Variants in PCDHGB1 observed in about 807,000 individuals in gnomAD.
PCDHGB1 encodes protocadherin gamma-B1.
A neutral mutation model predicts 56.6 loss-of-function variants in PCDHGB1; 34 were observed. The ratio of observed to expected loss-of-function variants is 0.60; its 90% CI spans 0.46 to 0.80. The LOEUF (loss-of-function observed/expected upper bound fraction) is 0.80. Among genes scored for constraint, PCDHGB1 ranks in the 30% least tolerant of loss-of-function variants. The probability of loss-of-function intolerance (pLI) is 0.00; values close to 1 mark genes in which losing one functional copy is unlikely to be tolerated. For synonymous variants in PCDHGB1, 561 were observed against 505.9 expected (o/e 1.11, Z -1.46); for missense variants, 1,278 against 1,204.6 (o/e 1.06, Z -0.90).
chr5:141,478,101 T>G, intron 1 of PCDHGB1: 1 of 1,614,018 alleles, frequency 6.2e-7, no homozygotes, highest in Middle Eastern at 1.6e-4. Flanking sequence ...ACTGCTACCC[T>G]CACTGTGTCA....
intron 1 of PCDHGB1, among the ~76,000 whole-genome samples, chr5:141,468,000 C>G (rs1429450909): frequency 6.6e-6 from 1 of 152,028 alleles, no homozygotes; most frequent in East Asian, 1.9e-4. Flanking sequence ...ATTCTTTCTT[C>G]CTCTGTTATA....
At chr5:141,412,713 TG>T (rs1172943618) in intron 1 of PCDHGB1, 2 of 152,812 alleles carry the variant, frequency 1.3e-5, no homozygotes, top group Non-Finnish European at 2.9e-5. Context: ...TGTACATTTC[TG>T]TTGGGAAAAC....
At chr5:141,401,657 G>T (rs1398256315) in intron 1 of PCDHGB1, among the ~76,000 whole-genome samples, 3 of 152,204 alleles carry the variant, frequency 2.0e-5, no homozygotes, top group Non-Finnish European at 4.4e-5. Context: ...ATGACTGGAT[G>T]TTTTCTCAAC....
Position 141,490,575 on chromosome 5 carries a change from A to G in PCDHGB1, c.2410-4232A>G. 2 of 1,614,140 alleles carry G rather than the reference A, an allele frequency of 1.2e-6. No individual in the cohort carries two copies. The highest frequency in any genetic ancestry group is 2.2e-5 in the East Asian group (1 of 44,876). Reference sequence around the variant, plus strand: ...ATCTCACCATCAGGCTCAACATTTCAGATGTCAATGACAATGCACCCCGCT... The same window carrying G: ...ATCTCACCATCAGGCTCAACATTTCGGATGTCAATGACAATGCACCCCGCT... On this transcript the variant is annotated intron_variant, in intron 1 of 3. Transcript: ENST00000523390. This position sits in a 1 kb window ranked among gnomAD's most constrained non-coding sequence, Gnocchi z 5.4.
intron 3 of PCDHGB1, among the ~76,000 whole-genome samples, chr5:141,509,440 C>T (rs1036780108): frequency 2.0e-5 from 3 of 152,158 alleles, no homozygotes; most frequent in Non-Finnish European, 4.4e-5. Flanking sequence ...CTTGTTTCCT[C>T]CTCTCCCACC....
At chr5:141,433,364 T>C (rs1246641841) in intron 1 of PCDHGB1, 1 of 524,614 alleles carries the variant, frequency 1.9e-6, no homozygotes, top group Admixed American at 3.5e-5. Context: ...TCTGCCTATC[T>C]ATCTATCTAT....
intron 1 of PCDHGB1, chr5:141,387,764 A>T: frequency 7.0e-7 from 1 of 1,430,464 alleles, no homozygotes; most frequent in Non-Finnish European, 9.3e-7. Context: ...AAAAAGAAGA[A>T]TTTTTTCTTG....
chr5:141,374,202 A>T (rs1446012115), intron 1 of PCDHGB1: 5 of 1,613,868 alleles, frequency 3.1e-6, no homozygotes, highest in Non-Finnish European at 4.2e-6. Context: ...GAGGAGCTGG[A>T]GAAAGGCTCC....
At chr5:141,458,075 A>G (rs1301404730) in intron 1 of PCDHGB1, among the ~76,000 whole-genome samples, 2 of 152,234 alleles carry the variant, frequency 1.3e-5, no homozygotes, top group Non-Finnish European at 2.9e-5. Flanking sequence ...GAACAACTAT[A>G]TTGCCGTAAG....
At chr5:141,385,965 G>A (rs368454164) in intron 1 of PCDHGB1, 2 of 152,134 alleles carry the variant, frequency 1.3e-5, no homozygotes, top group Non-Finnish European at 2.9e-5. Flanking sequence ...AAAGGCCATC[G>A]GACAAAACCA....
intron 1 of PCDHGB1, among the ~76,000 whole-genome samples, chr5:141,492,927 G>C (rs925569925): frequency 6.6e-6 from 1 of 152,180 alleles, no homozygotes; most frequent in Non-Finnish European, 1.5e-5. Context: ...AGCGATCTAG[G>C]GTCAGAGATT....
At chr5:141,448,893 C>G (rs957997508) in intron 1 of PCDHGB1, among the ~76,000 whole-genome samples, 2 of 151,948 alleles carry the variant, frequency 1.3e-5, no homozygotes, top group Non-Finnish European at 2.9e-5. Flanking sequence ...TGCAGTGAGC[C>G]GAGATCGTGC....
chr5:141,375,447 C>T, intron 1 of PCDHGB1: 1 of 1,614,018 alleles, frequency 6.2e-7, no homozygotes, highest in Non-Finnish European at 8.5e-7. Flanking sequence ...TTCCCCCATT[C>T]ATCCTACTCA....
Position 141,413,166 on chromosome 5 carries a change from C to T in PCDHGB1, c.2409+60497C>T, listed in dbSNP as rs758193163. ...GTGAGGACTTTGCAGAATTCTGTAA[C>T]CAGACTACAATGGCCGCTCAAAGGA... On this transcript the variant is annotated intron_variant, in intron 1 of 3. Transcript: ENST00000523390. 5 of 1,590,278 alleles carry T rather than the reference C, an allele frequency of 3.1e-6. No individual in the cohort carries two copies. The East Asian group carries it at 1.1e-4, about 36-fold the overall frequency.
Position 141,511,208 on chromosome 5 carries a change from C to T in PCDHGB1, c.*35C>T, listed in dbSNP as rs1278180818. 27 of 1,610,922 alleles carry T rather than the reference C, an allele frequency of 1.7e-5. No individual in the cohort carries two copies. Among genetic ancestry groups the T allele is most frequent in the Non-Finnish European group, 2.3e-5 (27 of 1,178,572 alleles). ...CAGGCCAAGAGCCACAGGGCGGCCT[C>T]TCCCCAACCAGCCCAGCTTCTCCTT... On this transcript the variant is annotated 3_prime_UTR_variant, in exon 4 of 4. Coordinates refer to ENST00000523390, the MANE Select transcript of PCDHGB1 (RefSeq NM_018922.3).
At chr5:141,435,995 A>C (rs1033174115) in intron 1 of PCDHGB1, among the ~76,000 whole-genome samples, 2 of 152,144 alleles carry the variant, frequency 1.3e-5, no homozygotes, top group African/African-American at 4.8e-5. Context: ...TGATTTTTTG[A>C]AAGAAAGTAT....
At position 141,491,381 on chromosome 5, in the gene PCDHGB1, C is replaced by CT. The variant is rs1554177905; in HGVS notation, c.2410-3426_2410-3425insT. The CT allele has an allele frequency of 2.8e-5, 45 of 1,614,068 alleles. No individual in the cohort carries two copies. Among genetic ancestry groups the CT allele is most frequent in the Non-Finnish European group, 3.5e-5 (41 of 1,179,950 alleles). On this transcript the variant is annotated intron_variant, in intron 1 of 3. Coordinates refer to ENST00000523390, the MANE Select transcript of PCDHGB1 (RefSeq NM_018922.3). This position sits in a 1 kb window ranked among gnomAD's most constrained non-coding sequence, Gnocchi z 6.9. ...CTAGTCACCTTCACCTTTCTGTCAG[C>CT]GAAGTGCCTTCAGGGAAACGCAGAC...
intron 1 of PCDHGB1, chr5:141,389,731 G>C (rs761645703): frequency 6.2e-7 from 1 of 1,612,688 alleles, no homozygotes; most frequent in Non-Finnish European, 8.5e-7. Context: ...GGGCTCTTCA[G>C]CCTGGGGCTG....
intron 1 of PCDHGB1, chr5:141,399,111 A>G (rs1561667842): frequency 1.9e-6 from 3 of 1,613,732 alleles, no homozygotes; most frequent in East Asian, 2.2e-5. Context: ...CACAATGTAC[A>G]GTTGAAATTA....
Sources: gnomAD v4.1 joint callset for allele counts (sites outside exome capture counted in the v4.1 genomes callset) on GRCh38, gnomAD v4.1.1 for gene constraint, Gnocchi (gnomAD v3.1) non-coding constraint, MANE v1.5 for transcripts, NCBI Gene and HGNC (gene_info 2026-07-23, HGNC 2026-07-21) for gene names.